The following JCAD variants were observed in gnomAD, a reference collection of about 807,000 sequenced individuals.
The protein encoded by JCAD is junctional cadherin 5 associated, also known as junctional cadherin 5-associated protein.
A neutral mutation model predicts 98.0 loss-of-function variants in JCAD; 40 were observed. That is an observed-to-expected ratio of 0.41 (90% confidence interval 0.32 to 0.53). JCAD has a LOEUF of 0.53. Among genes scored for constraint, JCAD ranks in the 20% least tolerant of loss-of-function variants. The pLI is 0.31. For missense variants in JCAD, 1,705 were observed against 1,738.1 expected, an observed-to-expected ratio of 0.98 and a Z score of 0.34; for synonymous variants, 691 against 682.3, an observed-to-expected ratio of 1.01 and a Z score of -0.20.
chr10:30,053,449 T>C (rs1837508353), intron 1 of JCAD, among the ~76,000 whole-genome samples: 1 of 151,668 alleles, frequency 6.6e-6, no homozygotes, highest in Admixed American at 6.6e-5. Flanking sequence ...TAGTCCTAGC[T>C]ACCTAGTAGG....
At chr10:30,089,754 A>G (rs1838230875) in intron 1 of JCAD, among the ~76,000 whole-genome samples, 1 of 152,238 alleles carries the variant, frequency 6.6e-6, no homozygotes, top group African/African-American at 2.4e-5. Context: ...CACTTGGAAT[A>G]GAGCAGCAGA....
At chr10:30,100,193 A>C (rs192301073) in intron 1 of JCAD, among the ~76,000 whole-genome samples, 291 of 152,234 alleles carry the variant, frequency 1.9e-3, no homozygotes, top group Non-Finnish European at 3.8e-3. Flanking sequence ...TTAAAAATAA[A>C]ATTTTACATT....
At chr10:30,033,070 C>A (rs1837036180) in intron 2 of JCAD, among the ~76,000 whole-genome samples, 1 of 152,150 alleles carries the variant, frequency 6.6e-6, no homozygotes, top group African/African-American at 2.4e-5. Context: ...ACCACTACTT[C>A]CCGCTTTTAC....
rs747793980 is a variant in JCAD at position 30,028,288 on chromosome 10, T to C, written c.1860A>G (p.Gln620=). ...KNGSDKSPAL[Q]EQSLLSMSST... is the part of the protein sequence containing the mutation. The stretch of plus-strand genomic sequence containing the variant: ...AAGACATGCTCAGCAGACTCTGTTC[T>C]TGCAGAGCCGGGCTCTTATCAGACC... Residue 620 remains glutamine (Q), a synonymous_variant, in exon 3 of 4, where the codon CAA becomes CAG. Coordinates refer to ENST00000375377, the MANE Select transcript of JCAD (RefSeq NM_020848.4). 3.1e-6 allele frequency: 5 copies of C among 1,614,156 alleles called. No homozygotes were observed. Among genetic ancestry groups the C allele is most frequent in the East Asian group, 2.2e-5 (1 of 44,896 alleles).
chr10:30,036,463 A>C (rs552290314), intron 2 of JCAD, among the ~76,000 whole-genome samples: 50 of 151,038 alleles, frequency 3.3e-4, no homozygotes, highest in African/African-American at 1.2e-3. Flanking sequence ...AAAAAAAAAA[A>C]CAAAAAAAAT....
Position 30,028,955 on chromosome 10 carries a change from C to G in JCAD, c.1193G>C (p.Gly398Ala). The change falls in exon 3 of 4, where the codon GGT (glycine) becomes GCT (alanine). Residue 398 changes from glycine to alanine, a missense_variant. By Grantham distance (60) the Gly-to-Ala change is moderately conservative. Around this residue, in one of 3 missense-constraint regions of JCAD, gnomAD observed 1,278 missense variants for 1,243.1 expected, o/e 1.03. Transcript: ENST00000375377. ...CCCCTGAGGCAAGCGGGGGCTCACA[C>G]CATACTCATTCCCAGTTCCAGGGGG... ...SGPPGTGNEY[G>A]VSPRLPQGLP... is the part of the protein sequence containing the mutation. The G allele has an allele frequency of 2.5e-6, 4 of 1,614,036 alleles. No individual in the cohort carries two copies. In the South Asian group the frequency reaches 3.3e-5, roughly 13 times the overall value.
chr10:30,062,530 G>T (rs563827590), upstream of JCAD, among the ~76,000 whole-genome samples: 34 of 152,182 alleles, frequency 2.2e-4, no homozygotes, highest in Non-Finnish European at 4.6e-4. Flanking sequence ...AGAGGAAAGA[G>T]GGTGTATTAT....
upstream of JCAD, among the ~76,000 whole-genome samples, chr10:30,059,875 C>T (rs560563210): frequency 5.3e-5 from 8 of 152,240 alleles, no homozygotes; most frequent in Admixed American, 2.6e-4. This position sits in a 1 kb window ranked among gnomAD's most constrained non-coding sequence, Gnocchi z 5.0. Context: ...AAGATGTATG[C>T]AAACACACTC....
intron 2 of JCAD, among the ~76,000 whole-genome samples, chr10:30,043,013 G>A (rs564120971): frequency 3.3e-5 from 5 of 152,312 alleles, no homozygotes; most frequent in Admixed American, 2.0e-4. Flanking sequence ...AACAATTACT[G>A]TCTACTCATC....
intron 2 of JCAD, among the ~76,000 whole-genome samples, chr10:30,037,567 C>T (rs984566655): frequency 4.7e-4 from 72 of 152,208 alleles, no homozygotes; most frequent in African/African-American, 1.7e-3. Flanking sequence ...ATGAATGACT[C>T]TAGATGACAG....
At chr10:30,055,943 C>G (rs940994102) in intron 1 of JCAD, among the ~76,000 whole-genome samples, 38 of 151,400 alleles carry the variant, frequency 2.5e-4, no homozygotes, top group African/African-American at 9.0e-4. Flanking sequence ...CACACACATG[C>G]ACTTACACAC....
intron 1 of JCAD, among the ~76,000 whole-genome samples, chr10:30,092,107 TATATATATATATATATATAA>T (rs1564469981): frequency 4.8e-5 from 5 of 103,348 alleles, no homozygotes; most frequent in South Asian, 3.1e-4. Context: ...TTTATATATA[TATATATATATATATATATAA>T]AAAACATTTT....
intron 1 of JCAD, among the ~76,000 whole-genome samples, chr10:30,107,744 C>T (rs1346851914): frequency 6.6e-6 from 1 of 152,122 alleles, no homozygotes; most frequent in Non-Finnish European, 1.5e-5. Flanking sequence ...GGACCCCTTT[C>T]AAGTAACATG....
chr10:30,080,809 T>A lies in JCAD; in HGVS notation n.129-10988A>T, dbSNP rs906706060. Among the ~76,000 whole-genome samples the A allele has an allele frequency of 3.9e-5, 6 of 152,226 alleles. No homozygotes were observed. In the East Asian group the frequency reaches 1.2e-3, roughly 29 times the overall value. On this transcript the variant is annotated intron_variant and non_coding_transcript_variant, in intron 1 of 2. Transcript: ENST00000465712. ...CTGTTCAACTGAAGTCCGGGAGCTA[T>A]CCCCCAGCATTAAACCACGGGCCTG...
At chr10:30,061,478 G>T (rs151191455), upstream of JCAD, among the ~76,000 whole-genome samples, 3 of 151,594 alleles carry the variant, frequency 2.0e-5, no homozygotes, top group African/African-American at 7.3e-5. Context: ...GGAGGTGGAG[G>T]TTGCAGTGAG....
At chr10:30,072,396 A>C (rs1837909338) in intron 1 of JCAD, among the ~76,000 whole-genome samples, 1 of 152,216 alleles carries the variant, frequency 6.6e-6, no homozygotes, top group South Asian at 2.1e-4. Context: ...CCTCTATCTG[A>C]ATATAAGTCT....
intron 1 of JCAD, among the ~76,000 whole-genome samples, chr10:30,101,093 TA>T (rs1168142695): frequency 6.6e-6 from 1 of 152,242 alleles, no homozygotes; most frequent in Non-Finnish European, 1.5e-5. Flanking sequence ...GAATAGATTA[TA>T]AATGTTTCTT....
At chr10:30,057,823 T>G (rs1837607901) in intron 1 of JCAD, among the ~76,000 whole-genome samples, 1 of 152,240 alleles carries the variant, frequency 6.6e-6, no homozygotes, top group South Asian at 2.1e-4. Context: ...ATTAGACACC[T>G]AATGTCAAGG....
rs578162855 is a variant in JCAD, at chr10:30,107,366, A to G, written n.128+8001T>C. Among the ~76,000 whole-genome samples, 7 of 152,302 alleles carry G rather than the reference A, an allele frequency of 4.6e-5. No individual in the cohort carries two copies. In the South Asian group the frequency reaches 8.3e-4, roughly 18 times the overall value. On this transcript the variant is annotated intron_variant and non_coding_transcript_variant, in intron 1 of 2. Transcript: ENST00000465712. ...TCTCTCGTCATCCTTGCTGCTCATT[A>G]TATGCTAATTATACTGCATTGGCAT...
Sources: allele counts gnomAD v4.1 joint callset (sites outside exome capture counted in the v4.1 genomes callset), GRCh38; gene constraint gnomAD v4.1.1; regional missense constraint gnomAD v4.1.1; non-coding constraint Gnocchi (gnomAD v3.1); transcripts MANE v1.5; gene names NCBI Gene and HGNC (gene_info 2026-07-23, HGNC 2026-07-21).